TRPC4: variants seen among roughly 807,000 people sequenced by gnomAD.
TRPC4 encodes the protein transient receptor potential cation channel subfamily C member 4, also known as short transient receptor potential channel 4.
TRPC4 carries 49 observed loss-of-function variants against 99.4 expected under a neutral mutation model. The observed-to-expected ratio is 0.49, with a 90% CI of 0.39 to 0.63. The LOEUF (loss-of-function observed/expected upper bound fraction) is 0.63, where lower values mean the gene tolerates loss of function less well. TRPC4 is among the 20% of genes least tolerant of loss of function. The pLI, the probability that TRPC4 is intolerant of heterozygous loss-of-function variation, is 0.00. For synonymous variants in TRPC4, 454 were observed against 425.9 expected, an observed-to-expected ratio of 1.07 and a Z score of -0.81; for missense variants, 898 against 1,152.9, an observed-to-expected ratio of 0.78 and a Z score of 3.20.
At chr13:37,713,464 T>G (rs2138995783) in intron 3 of TRPC4, among the ~76,000 whole-genome samples, 1 of 152,322 alleles carries the variant, frequency 6.6e-6, no homozygotes, top group East Asian at 1.9e-4. Flanking sequence ...TTCTTTCTTT[T>G]AATCTTATGG....
chr13:37,861,851 C>G (rs1169141473), intron 1 of TRPC4, among the ~76,000 whole-genome samples: 1 of 151,464 alleles, frequency 6.6e-6, no homozygotes, highest in Non-Finnish European at 1.5e-5. Context: ...ATTTTAGAGG[C>G]TCTCAGATGC....
chr13:37,843,978 A>G (rs1958812611), intron 1 of TRPC4, among the ~76,000 whole-genome samples: 1 of 152,208 alleles, frequency 6.6e-6, no homozygotes, highest in African/African-American at 2.4e-5. Flanking sequence ...AGGAACACAC[A>G]CTAAGATTTT....
At chr13:37,778,212 T>A (rs1376401756) in intron 2 of TRPC4, among the ~76,000 whole-genome samples, 1 of 152,084 alleles carries the variant, frequency 6.6e-6, no homozygotes, top group Non-Finnish European at 1.5e-5. Flanking sequence ...TCAGAGACTC[T>A]TGAGTTCCAG....
intron 6 of TRPC4, among the ~76,000 whole-genome samples, chr13:37,657,907 G>A (rs1952293370): frequency 6.6e-6 from 1 of 152,056 alleles, no homozygotes; most frequent in Non-Finnish European, 1.5e-5. Flanking sequence ...AGTCAGTGGT[G>A]AGATTTAAAG....
At chr13:37,741,489 C>CG (rs574005755) in intron 3 of TRPC4, among the ~76,000 whole-genome samples, 189 of 152,256 alleles carry the variant, frequency 1.2e-3, no homozygotes, top group African/African-American at 4.5e-3. Flanking sequence ...TGATTGGCAT[C>CG]GGGATGGGAG....
At chr13:37,777,523 G>A (rs1411573514) in intron 2 of TRPC4, among the ~76,000 whole-genome samples, 1 of 151,840 alleles carries the variant, frequency 6.6e-6, no homozygotes, top group East Asian at 1.9e-4. Context: ...TAATATTGGG[G>A]ATTAAATTCA....
chr13:37,637,535 A>G lies in TRPC4; in HGVS notation c.2302T>C (p.Ser768Pro). The change falls in exon 11 of 11, where the codon TCG becomes CCG. Residue 768 changes from serine (S) to proline (P), a missense_variant. By Grantham distance (74) the Ser-to-Pro change is moderately conservative. This residue lies in a region of TRPC4 where 346 missense variants were observed against 351.4 expected (regional missense o/e 0.98). Transcript: ENST00000379705. Reference sequence around the variant, plus strand: ...TCTGCCGAATTTGAAGACTCCTTCGAGGCATTCGCAGATTGTATTGTGGAA... The same window carrying G: ...TCTGCCGAATTTGAAGACTCCTTCGGGGCATTCGCAGATTGTATTGTGGAA... ...KLSTIQSANASKESSNSADSD... is the reference protein window; with the variant it reads ...KLSTIQSANAPKESSNSADSD... The G allele has an allele frequency of 6.2e-7, 1 of 1,613,716 alleles. No homozygotes were observed. The highest frequency in any genetic ancestry group is 8.5e-7 in the Non-Finnish European group (1 of 1,179,720).
At chr13:37,673,943 G>T (rs368995438) in intron 5 of TRPC4, among the ~76,000 whole-genome samples, 10 of 152,222 alleles carry the variant, frequency 6.6e-5, no homozygotes, top group African/African-American at 2.4e-4. Flanking sequence ...GAAAGGATTA[G>T]AAACTAGAGC....
At chr13:37,738,606 T>C (rs1453284227) in intron 3 of TRPC4, among the ~76,000 whole-genome samples, 1 of 152,170 alleles carries the variant, frequency 6.6e-6, no homozygotes, top group Non-Finnish European at 1.5e-5. Context: ...TGCAGCAATG[T>C]AGTGTTTACA....
intron 3 of TRPC4, among the ~76,000 whole-genome samples, chr13:37,694,888 A>C (rs1451175280): frequency 6.6e-6 from 1 of 152,160 alleles, no homozygotes; most frequent in Non-Finnish European, 1.5e-5. Context: ...TATTCTGAGA[A>C]TCATTGTAAA....
rs1951409360 is a variant in TRPC4 at position 37,632,134 on chromosome 13, C to T, written c.*4769G>A. On this transcript the variant is annotated 3_prime_UTR_variant, in exon 11 of 11. Coordinates refer to ENST00000379705, the MANE Select transcript of TRPC4 (RefSeq NM_016179.4). ...GAGTAATTAAAGATAGAATTTTCTACCTTTGCAATTCAGATGATGGAGATA... is the reference window on the plus strand; with the variant it reads ...GAGTAATTAAAGATAGAATTTTCTATCTTTGCAATTCAGATGATGGAGATA... Among the ~76,000 whole-genome samples the T allele has an allele frequency of 6.6e-6, 1 of 152,160 alleles. No individual in the cohort carries two copies. The highest frequency in any genetic ancestry group is 2.4e-5 in the African/African-American group (1 of 41,432).
At chr13:37,760,015 T>C (rs1956183637) in intron 2 of TRPC4, among the ~76,000 whole-genome samples, 2 of 152,020 alleles carry the variant, frequency 1.3e-5, no homozygotes, top group African/African-American at 4.8e-5. Context: ...AGTAATGTTG[T>C]ATGTATCATT....
At chr13:37,698,517 T>C (rs1240040840) in intron 3 of TRPC4, among the ~76,000 whole-genome samples, 1 of 152,056 alleles carries the variant, frequency 6.6e-6, no homozygotes, top group Admixed American at 6.6e-5. Context: ...TGTTTTCTAT[T>C]TTCCTATTTT....
At chr13:37,725,077 CAA>C (rs1955004011) in intron 3 of TRPC4, among the ~76,000 whole-genome samples, 1 of 151,514 alleles carries the variant, frequency 6.6e-6, no homozygotes, top group Admixed American at 6.6e-5. Flanking sequence ...AAAAAAGAAA[CAA>C]AAAATAAATT....
intron 3 of TRPC4, among the ~76,000 whole-genome samples, chr13:37,733,253 A>G (rs1955294027): frequency 6.6e-6 from 1 of 152,136 alleles, no homozygotes; most frequent in Non-Finnish European, 1.5e-5. Flanking sequence ...AGCTTGCATG[A>G]CAGAGTGAGA....
intron 3 of TRPC4, among the ~76,000 whole-genome samples, chr13:37,714,318 G>A (rs957243374): frequency 6.6e-6 from 1 of 151,930 alleles, no homozygotes; most frequent in African/African-American, 2.4e-5. Flanking sequence ...GTAGAGACAG[G>A]GTTTCACCAC....
intron 1 of TRPC4, among the ~76,000 whole-genome samples, chr13:37,818,030 A>G (rs1957907053): frequency 6.6e-6 from 1 of 152,064 alleles, no homozygotes; most frequent in African/African-American, 2.4e-5. Flanking sequence ...GCAAAAATGG[A>G]CAAATGGGAC....
chr13:37,688,559 A>G (rs955784730), intron 4 of TRPC4, among the ~76,000 whole-genome samples: 3 of 152,242 alleles, frequency 2.0e-5, no homozygotes, highest in Non-Finnish European at 4.4e-5. Flanking sequence ...ATAAATATAT[A>G]AAACAAATAA....
At chr13:37,813,728 A>G (rs2139490405) in intron 1 of TRPC4, among the ~76,000 whole-genome samples, 1 of 151,958 alleles carries the variant, frequency 6.6e-6, no homozygotes, top group Non-Finnish European at 1.5e-5. Context: ...TTAGTAAATT[A>G]TTTTTTAAAA....
Sources: gnomAD v4.1 joint callset for allele counts (sites outside exome capture counted in the v4.1 genomes callset) on GRCh38, gnomAD v4.1.1 for gene constraint, gnomAD v4.1.1 regional missense constraint, MANE v1.5 for transcripts, NCBI Gene and HGNC (gene_info 2026-07-23, HGNC 2026-07-21) for gene names.